TBC1D9B: variants seen among roughly 807,000 people sequenced by gnomAD.
TBC1D9B encodes the protein TBC1 domain family member 9B, also known as TBC1 domain family, member 9B (with GRAM domain).
A neutral mutation model predicts 121.1 loss-of-function variants in TBC1D9B; 87 were observed. The ratio of observed to expected loss-of-function variants is 0.72; its 90% CI spans 0.60 to 0.86. TBC1D9B has a LOEUF of 0.86. Among genes scored for constraint, TBC1D9B ranks in the 40% least tolerant of loss-of-function variants. The pLI is 0.00. For synonymous variants in TBC1D9B, 668 were observed against 670.1 expected (o/e 1.00, Z 0.05); for missense variants, 1,540 against 1,628.6 (o/e 0.95, Z 0.94).
intron 10 of TBC1D9B, among the ~76,000 whole-genome samples, chr5:179,877,267 G>A (rs1323406251): frequency 1.3e-5 from 2 of 151,796 alleles, no homozygotes; most frequent in Non-Finnish European, 2.9e-5. Context: ...CTGGGAGGCT[G>A]AGACCGGAAG....
chr5:179,873,698 A>G (rs1760270737), intron 12 of TBC1D9B, among the ~76,000 whole-genome samples: 1 of 152,150 alleles, frequency 6.6e-6, no homozygotes, highest in Non-Finnish European at 1.5e-5. Flanking sequence ...CCAGGGAATC[A>G]GCTTCTCTAG....
intron 20 of TBC1D9B, 100 bp from the exon 21 acceptor site, chr5:179,864,228 T>A: frequency 1.6e-6 from 2 of 1,230,422 alleles, no homozygotes; most frequent in Non-Finnish European, 2.2e-6. Flanking sequence ...CTAAGGATGT[T>A]GGCTGCCGTC....
At chr5:179,905,854 T>C (rs952334528) in intron 1 of TBC1D9B, among the ~76,000 whole-genome samples, 1 of 152,246 alleles carries the variant, frequency 6.6e-6, no homozygotes, top group African/African-American at 2.4e-5. Context: ...TTATTGCTGT[T>C]ATTCAACTTT....
chr5:179,865,764 T>G lies in TBC1D9B; in HGVS notation c.2914+74A>C, dbSNP rs1196479471. ...GGGTAGGGGGCTCCCTGGCAGTGAC[T>G]GGGGAAAAGACCAGCAAGCAAGGGT... On this transcript the variant is annotated intron_variant, in intron 19 of 20. Transcript: ENST00000355235. The surrounding 1 kb of genome is among the most constrained non-coding windows in gnomAD (Gnocchi z 5.1). 8 of 1,495,586 alleles carry G rather than the reference T, an allele frequency of 5.3e-6. No individual in the cohort carries two copies. In the East Asian group the frequency reaches 1.6e-4, roughly 30 times the overall value. 92.6% of individuals were successfully genotyped at this position (1,495,586 alleles called of 1,614,324 possible).
chr5:179,880,059 C>T, intron 7 of TBC1D9B: 1 of 533,694 alleles, frequency 1.9e-6, no homozygotes, highest in East Asian at 3.3e-5. Flanking sequence ...CTGGGCTCAC[C>T]CTGTGGGGCC....
chr5:179,894,675 G>A, intron 3 of TBC1D9B, 61 bp from the exon 4 acceptor site: 2 of 1,568,200 alleles, frequency 1.3e-6, no homozygotes, highest in Non-Finnish European at 1.7e-6. Flanking sequence ...TCAAAGGGTG[G>A]AGCAGAGAGG....
Position 179,891,442 on chromosome 5 carries a change from G to A in TBC1D9B, c.981C>T (p.Asn327=). The A allele has an allele frequency of 1.2e-6, 2 of 1,614,272 alleles. No individual in the cohort carries two copies. Among genetic ancestry groups the A allele is most frequent in the South Asian group, 1.1e-5 (1 of 91,088 alleles). ...LHIPGQMFIS[N]NYICFASKEE... Reference sequence around the variant, plus strand: ...CCTTGCTGGCGAAGCAGATGTAGTTGTTGGAGATGAACATCTGGCCAGGGA... The same window carrying A: ...CCTTGCTGGCGAAGCAGATGTAGTTATTGGAGATGAACATCTGGCCAGGGA... The change falls in exon 6 of 21, where the codon AAC becomes AAT. Residue 327 remains asparagine, a synonymous_variant. Coordinates refer to ENST00000355235, the MANE Select transcript of TBC1D9B (RefSeq NM_015043.4). The surrounding 1 kb of genome is among the most constrained non-coding windows in gnomAD (Gnocchi z 4.3).
Position 179,863,609 on chromosome 5 carries a change from T to A in TBC1D9B, c.3541A>T (p.Ile1181Phe). ...GAGGCCAGGATCTGCTCAAAGGAGA[T>A]GCACCAGTCGGTGTCGACGGTGCCG... is the stretch of plus-strand genomic sequence containing the variant. ...IGGTVDTDWC[I>F]SFEQILASIL... is the part of the protein sequence containing the mutation. The change falls in exon 21 of 21, where the codon ATC becomes TTC. Residue 1181 changes from isoleucine to phenylalanine, a missense_variant. Coordinates refer to ENST00000355235, the MANE Select transcript of TBC1D9B (RefSeq NM_015043.4). The surrounding 1 kb of genome is among the most constrained non-coding windows in gnomAD (Gnocchi z 4.5). 6.2e-7 allele frequency: 1 copy of A among 1,614,040 alleles called. No homozygotes were observed. The highest frequency in any genetic ancestry group is 8.5e-7 in the Non-Finnish European group (1 of 1,180,038).
At position 179,862,527 on chromosome 5, in the gene TBC1D9B, CCT is replaced by C. The variant is rs774092913; in HGVS notation, c.*919_*920del. 1.9e-4 allele frequency: 87 copies of C among 455,886 alleles called. No individual in the cohort carries two copies. The highest frequency in any genetic ancestry group is 5.7e-5 in the Non-Finnish European group (13 of 226,550). The allele number at this position is 455,886 out of a possible 1,614,324, so 28.2% of individuals were successfully genotyped here. On this transcript the variant is annotated 3_prime_UTR_variant, in exon 21 of 21. Coordinates refer to ENST00000355235, the MANE Select transcript of TBC1D9B (RefSeq NM_015043.4). ...AAGACCTGTGGAGCTCAGGGCATCC[CCT>C]GATGCAGGTTGGTCAGGACCTGCCC... is the stretch of plus-strand genomic sequence containing the variant.
At chr5:179,872,783 G>A (rs1247281465) in intron 14 of TBC1D9B, 109 bp downstream of exon 14, 1 of 1,019,228 alleles carries the variant, frequency 9.8e-7, no homozygotes, top group African/African-American at 1.6e-5. Context: ...ACATACCAAA[G>A]CAGTGTAGGA....
intron 12 of TBC1D9B, among the ~76,000 whole-genome samples, chr5:179,873,592 C>G (rs67930568): frequency 3.7e-4 from 56 of 152,208 alleles, no homozygotes; most frequent in African/African-American, 1.3e-3. Context: ...TGGCGGGGCC[C>G]TGGGGATGTG....
intron 1 of TBC1D9B, among the ~76,000 whole-genome samples, chr5:179,906,715 C>T (rs1048284940): frequency 2.0e-5 from 3 of 152,222 alleles, no homozygotes; most frequent in Admixed American, 6.5e-5. Context: ...GGGAACAGAA[C>T]AGTCTCTTCC....
intron 16 of TBC1D9B, 84 bp from the exon 17 acceptor site, chr5:179,869,918 A>T: frequency 7.6e-7 from 1 of 1,319,114 alleles, no homozygotes; most frequent in Non-Finnish European, 1.0e-6. Flanking sequence ...CCCTCTTCAC[A>T]GCCTGTGCTG....
intron 7 of TBC1D9B, 38 bp from the exon 8 acceptor site, chr5:179,879,827 T>G (rs1393424214): frequency 6.4e-7 from 1 of 1,562,712 alleles, no homozygotes; most frequent in South Asian, 1.2e-5. Flanking sequence ...CCCTAACAAC[T>G]GTGCTGCCAG....
At chr5:179,892,191 G>T (rs753513755) in intron 5 of TBC1D9B, among the ~76,000 whole-genome samples, 3 of 152,222 alleles carry the variant, frequency 2.0e-5, no homozygotes, top group African/African-American at 7.2e-5. Context: ...GCCCTGGGCC[G>T]CAGTGGCCTG....
chr5:179,894,043 A>C (rs1012688923), intron 4 of TBC1D9B, among the ~76,000 whole-genome samples: 1 of 152,176 alleles, frequency 6.6e-6, no homozygotes, highest in African/African-American at 2.4e-5. Flanking sequence ...CCTGCAGCAG[A>C]TGAGGGCTGT....
At position 179,878,387 on chromosome 5, in the gene TBC1D9B, C is replaced by T; in HGVS notation, c.1704G>A (p.Gln568=). Residue 568 remains glutamine (Q), a synonymous_variant, in exon 10 of 21, where the codon CAG becomes CAA. Transcript: ENST00000355235. ...GGAGGGCAGCAATCCCCAGCTCGTT[C>T]TGGAAGGCAGGGTGCTCGGGCATGG... ...HRSMPEHPAF[Q]NELGIAALRR... The T allele has an allele frequency of 6.2e-7, 1 of 1,614,006 alleles. No homozygotes were observed. Among genetic ancestry groups the T allele is most frequent in the Non-Finnish European group, 8.5e-7 (1 of 1,179,988 alleles).
chr5:179,891,318 C>T lies in TBC1D9B; in HGVS notation c.1044+61G>A. 6.3e-7 allele frequency: 1 copy of T among 1,594,842 alleles called. No individual in the cohort carries two copies. The highest frequency in any genetic ancestry group is 8.6e-7 in the Non-Finnish European group (1 of 1,164,124). The stretch of plus-strand genomic sequence containing the variant: ...AGGGCAGAGCAGGACAGGCTGGTCC[C>T]TGAGCCCACTGACACCTCGGGGCTG... On this transcript the variant is annotated intron_variant, in intron 6 of 20. Coordinates refer to ENST00000355235, the MANE Select transcript of TBC1D9B (RefSeq NM_015043.4). This position sits in a 1 kb window ranked among gnomAD's most constrained non-coding sequence, Gnocchi z 4.3.
At chr5:179,879,371 G>A (rs994685659) in intron 8 of TBC1D9B, 174 bp from the exon 9 acceptor site, 8 of 1,137,998 alleles carry the variant, frequency 7.0e-6, no homozygotes, top group African/African-American at 3.1e-5. Flanking sequence ...CCAAGGCTCA[G>A]GAGACCAGCT....
Sources: gnomAD v4.1 joint callset for allele counts (sites outside exome capture counted in the v4.1 genomes callset) on GRCh38, gnomAD v4.1.1 for gene constraint, Gnocchi (gnomAD v3.1) non-coding constraint, MANE v1.5 for transcripts, NCBI Gene and HGNC (gene_info 2026-07-23, HGNC 2026-07-21) for gene names.